DLGAP1: variants seen among roughly 807,000 people sequenced by gnomAD.
The protein encoded by DLGAP1 is disks large-associated protein 1.
A neutral mutation model predicts 90.8 loss-of-function variants in DLGAP1; 11 were observed. The observed-to-expected ratio is 0.12, with a 90% CI of 0.08 to 0.20. DLGAP1 has a LOEUF of 0.20. Among genes scored for constraint, DLGAP1 ranks in the 10% least tolerant of loss-of-function variants. DLGAP1 has a pLI of 1.00. For synonymous variants in DLGAP1, 558 were observed against 540.7 expected (o/e 1.03, Z -0.44); for missense variants, 1,050 against 1,333.8 (o/e 0.79, Z 3.31).
At chr18:3,806,270 G>T (rs1245569743) in intron 5 of DLGAP1, among the ~76,000 whole-genome samples, 1 of 152,148 alleles carries the variant, frequency 6.6e-6, no homozygotes, top group Non-Finnish European at 1.5e-5. Context: ...CTTATGCCAG[G>T]CAATGCAGAT....
At chr18:3,901,972 T>C (rs112457164) in intron 3 of DLGAP1, among the ~76,000 whole-genome samples, 53 of 152,320 alleles carry the variant, frequency 3.5e-4, no homozygotes, top group African/African-American at 1.2e-3. Context: ...TGGGCTTGTC[T>C]TTCCGCTCCA....
chr18:4,152,599 A>G (rs1055546362), intron 1 of DLGAP1, among the ~76,000 whole-genome samples: 7 of 152,230 alleles, frequency 4.6e-5, no homozygotes, highest in Non-Finnish European at 1.0e-4. Flanking sequence ...TGTTAGAGCA[A>G]TATTTTGAGA....
chr18:4,407,869 TA>T (rs200469810), intron 1 of DLGAP1, among the ~76,000 whole-genome samples: 13 of 37,014 alleles, frequency 3.5e-4, no homozygotes, highest in African/African-American at 1.7e-3. Context: ...TCTAAATAAA[TA>T]AATAAATAAA....
intron 3 of DLGAP1, among the ~76,000 whole-genome samples, chr18:3,958,040 T>C (rs1398979523): frequency 6.6e-6 from 1 of 151,954 alleles, no homozygotes; most frequent in Non-Finnish European, 1.5e-5. Context: ...ATTACAGGTG[T>C]CCACTACCAT....
intron 1 of DLGAP1, among the ~76,000 whole-genome samples, chr18:4,368,505 G>T (rs1187613101): frequency 1.3e-5 from 2 of 152,146 alleles, no homozygotes; most frequent in Non-Finnish European, 2.9e-5. Flanking sequence ...TCTGCCAGCA[G>T]ACAGCCTTCA....
chr18:4,264,325 C>T (rs2145288280), intron 1 of DLGAP1, among the ~76,000 whole-genome samples: 1 of 152,290 alleles, frequency 6.6e-6, no homozygotes, highest in Middle Eastern at 3.4e-3. Flanking sequence ...GCTAGCTTGG[C>T]TCCCACACTG....
chr18:3,702,255 C>T (rs1205848529), intron 7 of DLGAP1, among the ~76,000 whole-genome samples: 5 of 152,204 alleles, frequency 3.3e-5, no homozygotes, highest in Non-Finnish European at 7.3e-5. Flanking sequence ...TCTCGAACTC[C>T]TGACCTCAGG....
At chr18:3,882,526 CAAAAAAAAA>C (rs111965129) in intron 3 of DLGAP1, among the ~76,000 whole-genome samples, 2 of 113,724 alleles carry the variant, frequency 1.8e-5, no homozygotes, top group African/African-American at 6.9e-5. Flanking sequence ...GACCCTGTCT[CAAAAAAAAA>C]AAAAAAAAGT....
chr18:3,635,304 T>C (rs2058673324), intron 7 of DLGAP1, among the ~76,000 whole-genome samples: 1 of 151,566 alleles, frequency 6.6e-6, no homozygotes, highest in African/African-American at 2.4e-5. Flanking sequence ...CTGATTTTTT[T>C]GTATTGTATT....
rs889459503 is a variant in DLGAP1 at position 4,067,399 on chromosome 18, TAGTTAA to T, written c.-158-62204_-158-62199del. On this transcript the variant is annotated intron_variant, in intron 2 of 12. Coordinates refer to ENST00000315677, the MANE Select transcript of DLGAP1 (RefSeq NM_004746.4). ...AAGGAAGGAAGGAAGGAAGGAAAAG[TAGTTAA>T]AGCCACAATGGGAAGTGGGAGTTAG... Among the ~76,000 whole-genome samples the T allele has an allele frequency of 9.9e-5, 15 of 151,730 alleles. No individual in the cohort carries two copies. In the East Asian group the frequency reaches 2.9e-3, roughly 29 times the overall value.
chr18:3,539,867 G>C (rs756736312), intron 9 of DLGAP1, among the ~76,000 whole-genome samples: 1 of 151,636 alleles, frequency 6.6e-6, no homozygotes, highest in Admixed American at 6.6e-5. Context: ...CCTGGCCTCT[G>C]CTTAGCGTCT....
intron 8 of DLGAP1, among the ~76,000 whole-genome samples, chr18:3,572,191 G>A (rs1348471701): frequency 3.4e-5 from 5 of 147,356 alleles, no homozygotes; most frequent in Admixed American, 6.9e-5. Context: ...CGGTTCTCCC[G>A]CCTCAGCCTC....
rs998779492 is a variant in DLGAP1 at position 3,866,840 on chromosome 18, AT to A, written c.957+12271del. ...ATCCATCAAGTGTGGAATTAGTGTT[AT>A]TTTTTATTTTATTTATATATATTTT... On this transcript the variant is annotated intron_variant, in intron 4 of 12. Coordinates refer to ENST00000315677, the MANE Select transcript of DLGAP1 (RefSeq NM_004746.4). Among the ~76,000 whole-genome samples the A allele has an allele frequency of 2.3e-3, 346 of 152,206 alleles. 1 individual carries two copies. Among genetic ancestry groups the A allele is most frequent in the African/African-American group, 7.8e-3 (323 of 41,540 alleles).
At chr18:4,064,823 C>A (rs754174580) in intron 2 of DLGAP1, among the ~76,000 whole-genome samples, 9 of 151,538 alleles carry the variant, frequency 5.9e-5, no homozygotes, top group Non-Finnish European at 8.9e-5. Flanking sequence ...AGGAGGGATC[C>A]TCCCTGAAGT....
intron 12 of DLGAP1, among the ~76,000 whole-genome samples, chr18:3,500,837 T>G (rs544470252): frequency 6.6e-6 from 1 of 152,322 alleles, no homozygotes; most frequent in East Asian, 1.9e-4. Flanking sequence ...TCAGTGGATA[T>G]TTTTAGAAAT....
chr18:4,348,416 G>A (rs916435517), intron 1 of DLGAP1, among the ~76,000 whole-genome samples: 21 of 151,238 alleles, frequency 1.4e-4, no homozygotes, highest in African/African-American at 3.9e-4. Context: ...GTGTGTGTGT[G>A]TGTGTGTGTG....
chr18:4,317,938 C>T (rs766985327), intron 1 of DLGAP1, among the ~76,000 whole-genome samples: 1 of 151,130 alleles, frequency 6.6e-6, no homozygotes, highest in Non-Finnish European at 1.5e-5. Flanking sequence ...ACCTCCGCCT[C>T]GTGGGTTCAA....
intron 2 of DLGAP1, among the ~76,000 whole-genome samples, chr18:4,010,493 A>T (rs6506154): frequency 0.2 from 30,887 of 152,110 alleles, 3,281 homozygotes; most frequent in African/African-American, 0.28. Context: ...GGCTGCAGTG[A>T]GCCATGATCG....
intron 1 of DLGAP1, among the ~76,000 whole-genome samples, chr18:4,430,366 T>G (rs1356315822): frequency 6.6e-6 from 1 of 152,314 alleles, no homozygotes; most frequent in African/African-American, 2.4e-5. Flanking sequence ...ATCCCAGTTT[T>G]TATACAGTCA....
Sources: allele counts gnomAD v4.1 joint callset (sites outside exome capture counted in the v4.1 genomes callset), GRCh38; gene constraint gnomAD v4.1.1; transcripts MANE v1.5; gene names NCBI Gene and HGNC (gene_info 2026-07-23, HGNC 2026-07-21).